Variants in ASXL2 observed in about 807,000 individuals in gnomAD.
ASXL2 encodes putative Polycomb group protein ASXL2.
Under a neutral mutation model 122.0 loss-of-function variants are expected in ASXL2, and 23 were observed. The observed-to-expected ratio is 0.19, with a 90% confidence interval of 0.14 to 0.27. The LOEUF is 0.27. Among genes scored for constraint, ASXL2 ranks in the 10% least tolerant of loss-of-function variants. ASXL2 has a pLI of 1.00. For synonymous variants in ASXL2, 650 were observed against 637.0 expected, an observed-to-expected ratio of 1.02 and a Z score of -0.31; for missense variants, 1,518 against 1,713.8, an observed-to-expected ratio of 0.89 and a Z score of 2.02.
chr2:25,856,764 T>G (rs900466136), intron 1 of ASXL2: 33 of 1,297,194 alleles, frequency 2.5e-5, no homozygotes, highest in Non-Finnish European at 3.6e-5. Context: ...GCTGCAGACC[T>G]TCTTCTCAAA....
chr2:25,810,204 C>A, intron 3 of ASXL2: 1 of 589,872 alleles, frequency 1.7e-6, no homozygotes. Context: ...ATCCATCTCT[C>A]GGCAATGGGA....
At chr2:25,792,885 C>T (rs538851073) in intron 5 of ASXL2, among the ~76,000 whole-genome samples, 3 of 151,850 alleles carry the variant, frequency 2.0e-5, no homozygotes, top group Non-Finnish European at 2.9e-5. Context: ...GGATTACAGG[C>T]GTGAGCCACC....
At chr2:25,751,822 C>T (rs1015945163) in intron 11 of ASXL2, among the ~76,000 whole-genome samples, 1 of 151,848 alleles carries the variant, frequency 6.6e-6, no homozygotes, top group Non-Finnish European at 1.5e-5. Flanking sequence ...CACTTCGTCG[C>T]CCAGGCTGGA....
intron 5 of ASXL2, among the ~76,000 whole-genome samples, chr2:25,779,534 T>C (rs920096898): frequency 2.6e-5 from 4 of 152,186 alleles, no homozygotes; most frequent in African/African-American, 9.7e-5. Flanking sequence ...TTAAGACTAC[T>C]GAATGCAGTT....
intron 3 of ASXL2, among the ~76,000 whole-genome samples, chr2:25,826,046 C>T (rs907320614): frequency 1.3e-5 from 2 of 152,116 alleles, no homozygotes; most frequent in African/African-American, 2.4e-5. Flanking sequence ...ACGTGGTGGG[C>T]GGGCACTATG....
intron 1 of ASXL2, among the ~76,000 whole-genome samples, chr2:25,868,290 G>A (rs1012979591): frequency 1.3e-5 from 2 of 152,360 alleles, no homozygotes; most frequent in East Asian, 3.9e-4. Context: ...ACATCAGTGA[G>A]TTCAAGGTTA....
At chr2:25,833,386 C>T (rs928783325) in intron 3 of ASXL2, among the ~76,000 whole-genome samples, 2 of 152,172 alleles carry the variant, frequency 1.3e-5, no homozygotes, top group African/African-American at 2.4e-5. Flanking sequence ...TCCATTCCCT[C>T]TTCTTCTGCA....
chr2:25,772,523 G>A (rs989906764), intron 5 of ASXL2, among the ~76,000 whole-genome samples: 8 of 152,054 alleles, frequency 5.3e-5, no homozygotes, highest in African/African-American at 7.2e-5. Context: ...ACCTGAGGTC[G>A]GAGTTCAAGA....
chr2:25,832,480 A>G (rs1042058552), intron 3 of ASXL2, among the ~76,000 whole-genome samples: 6 of 152,110 alleles, frequency 3.9e-5, no homozygotes, highest in Non-Finnish European at 5.9e-5. Flanking sequence ...GAAAACAAAA[A>G]AACAAAAAGG....
At chr2:25,849,964 T>C (rs2089696959) in intron 1 of ASXL2, among the ~76,000 whole-genome samples, 1 of 152,230 alleles carries the variant, frequency 6.6e-6, no homozygotes, top group Non-Finnish European at 1.5e-5. Context: ...TTAAAACTTT[T>C]TATTATGGAA....
chr2:25,806,908 TATA>T (rs1248994410), intron 3 of ASXL2, among the ~76,000 whole-genome samples: 5 of 151,786 alleles, frequency 3.3e-5, no homozygotes, highest in African/African-American at 9.7e-5. Context: ...ATTTCAGGTA[TATA>T]ATAATCTATA....
At position 25,743,319 on chromosome 2, in the gene ASXL2, T is replaced by C. The variant is rs1193487621; in HGVS notation, c.3018A>G (p.Glu1006=). ...TNTTENSTRE[E]VNERQSHPAT... ...CTGGATGGGACTGTCTCTCATTAAC[T>C]TCCTCTCTGGTGCTATTTTCTGTTG... is the stretch of plus-strand genomic sequence containing the variant. Residue 1006 remains glutamate, a synonymous_variant, in exon 13 of 13, where the codon GAA becomes GAG. Coordinates refer to ENST00000435504, the MANE Select transcript of ASXL2 (RefSeq NM_018263.6). The C allele has an allele frequency of 1.2e-6, 2 of 1,613,988 alleles. No homozygotes were observed. Among genetic ancestry groups the C allele is most frequent in the East Asian group, 2.2e-5 (1 of 44,880 alleles).
At chr2:25,824,133 T>C (rs1016846443) in intron 3 of ASXL2, among the ~76,000 whole-genome samples, 2 of 149,206 alleles carry the variant, frequency 1.3e-5, no homozygotes. Flanking sequence ...CTGAAATTAA[T>C]AATTTGAAAC....
chr2:25,831,119 A>T lies in ASXL2; in HGVS notation c.143+4419T>A, dbSNP rs143443825. 2.4e-3 allele frequency among the ~76,000 whole-genome samples: 363 copies of T among 152,160 alleles called. 2 individuals carry two copies. The highest frequency in any genetic ancestry group is 8.3e-3 in the African/African-American group (346 of 41,516). ...TGAATCACTTGAGGTCAGGAGTTCGAGACCAGCCTGGCCAATGCAGTGAAA... is the reference window on the plus strand; with the variant it reads ...TGAATCACTTGAGGTCAGGAGTTCGTGACCAGCCTGGCCAATGCAGTGAAA... On this transcript the variant is annotated intron_variant, in intron 3 of 12. Transcript: ENST00000435504.
At chr2:25,755,761 C>G (rs186912803) in intron 10 of ASXL2, among the ~76,000 whole-genome samples, 1 of 152,102 alleles carries the variant, frequency 6.6e-6, no homozygotes, top group Admixed American at 6.6e-5. Context: ...AGGAGCAGGG[C>G]CCAAAAATCT....
At position 25,744,322 on chromosome 2, in the gene ASXL2, G is replaced by A; in HGVS notation, c.2015C>T (p.Ala672Val). 1 of 1,613,958 alleles carries A rather than the reference G, an allele frequency of 6.2e-7. No homozygotes were observed. Among genetic ancestry groups the A allele is most frequent in the Non-Finnish European group, 8.5e-7 (1 of 1,179,868 alleles). The change falls in exon 13 of 13, where the codon GCA (alanine) becomes GTA (valine). Residue 672 changes from alanine (A) to valine (V), a missense_variant. Physicochemically the swap from Ala to Val is moderately conservative, Grantham distance 64. This residue lies in a region of ASXL2 where 48 missense variants were observed against 82.1 expected (regional missense o/e 0.58). Coordinates refer to ENST00000435504, the MANE Select transcript of ASXL2 (RefSeq NM_018263.6). This position sits in a 1 kb window ranked among gnomAD's most constrained non-coding sequence, Gnocchi z 4.7. ...AGCTGCGGCGGCAGCGGCAGCTGCTGCCCTCTGTGCTTTGACCAGTTGGGC... is the reference window on the plus strand; with the variant it reads ...AGCTGCGGCGGCAGCGGCAGCTGCTACCCTCTGTGCTTTGACCAGTTGGGC... ...AKAQLVKAQR[A>V]AAAAAAAAAA...
chr2:25,741,963 G>A lies in ASXL2; in HGVS notation c.*66C>T. 6.1e-6 allele frequency: 9 copies of A among 1,467,336 alleles called. No individual in the cohort carries two copies. Among genetic ancestry groups the A allele is most frequent in the South Asian group, 1.3e-5 (1 of 75,066 alleles). 90.9% of individuals were successfully genotyped at this position (1,467,336 alleles called of 1,614,324 possible). A position where few individuals can be genotyped will look rare whatever the true frequency, so the allele number is the denominator to read the frequency against. ...TTTATTTCTGTGATTCCAAAAGGAC[G>A]CAAAAAACCCAACTGGTCAACCCTT... On this transcript the variant is annotated 3_prime_UTR_variant, in exon 13 of 13. Coordinates refer to ENST00000435504, the MANE Select transcript of ASXL2 (RefSeq NM_018263.6).
At position 25,786,675 on chromosome 2, in the gene ASXL2, G is replaced by A. The variant is rs369460014; in HGVS notation, c.403+12710C>T. On this transcript the variant is annotated intron_variant, in intron 5 of 12. Coordinates refer to ENST00000435504, the MANE Select transcript of ASXL2 (RefSeq NM_018263.6). Reference sequence around the variant, plus strand: ...TTGAGACCAGCCTGACCAAAATGGTGAAACCCTATCTCTACTAAAAATACA... The same window carrying A: ...TTGAGACCAGCCTGACCAAAATGGTAAAACCCTATCTCTACTAAAAATACA... 5.9e-4 allele frequency among the ~76,000 whole-genome samples: 90 copies of A among 152,198 alleles called. 1 individual carries two copies. The South Asian group carries it at 0.018, about 30-fold the overall frequency.
rs1257207875 is a variant in ASXL2 at position 25,744,007 on chromosome 2, G to A, written c.2330C>T (p.Pro777Leu). 3 of 1,614,016 alleles carry A rather than the reference G, an allele frequency of 1.9e-6. No individual in the cohort carries two copies. Among genetic ancestry groups the A allele is most frequent in the East Asian group, 2.2e-5 (1 of 44,886 alleles). Residue 777 changes from proline to leucine, a missense_variant, in exon 13 of 13, where the codon CCC becomes CTC. This residue lies in a region of ASXL2 where 831 missense variants were observed against 833.1 expected (regional missense o/e 1.00). Coordinates refer to ENST00000435504, the MANE Select transcript of ASXL2 (RefSeq NM_018263.6). The surrounding 1 kb of genome is among the most constrained non-coding windows in gnomAD (Gnocchi z 4.7). ...SVSGAQLQQT[P>L]PVPPTPAVSG... The stretch of plus-strand genomic sequence containing the variant: ...GACGGCAGGTGTTGGAGGCACTGGG[G>A]GGGTTTGCTGTAGTTGTGCTCCAGA...
Sources: allele counts gnomAD v4.1 joint callset (sites outside exome capture counted in the v4.1 genomes callset), GRCh38; gene constraint gnomAD v4.1.1; regional missense constraint gnomAD v4.1.1; non-coding constraint Gnocchi (gnomAD v3.1); transcripts MANE v1.5; gene names NCBI Gene and HGNC (gene_info 2026-07-23, HGNC 2026-07-21).